JHY: variants seen among roughly 807,000 people sequenced by gnomAD.
JHY encodes jhy protein homolog.
In JHY, 69 loss-of-function variants were observed where a neutral mutation model predicts 78.0. The ratio of observed to expected loss-of-function variants is 0.88; its 90% confidence interval spans 0.73 to 1.08. JHY has a LOEUF of 1.08. Ranked by LOEUF, JHY falls within the 50% of genes least tolerant of loss-of-function variation. The pLI is 0.00. For synonymous variants in JHY, 368 were observed against 342.6 expected (o/e 1.07, Z -0.82); for missense variants, 944 against 927.8 (o/e 1.02, Z -0.23).
intron 3 of JHY, among the ~76,000 whole-genome samples, chr11:122,915,422 G>A (rs1208599207): frequency 6.6e-6 from 1 of 152,228 alleles, no homozygotes; most frequent in African/African-American, 2.4e-5. Flanking sequence ...AAAGGTGCCT[G>A]ACTGTCCAGG....
chr11:122,906,800 T>C (rs1246331819), intron 3 of JHY, among the ~76,000 whole-genome samples: 1 of 152,186 alleles, frequency 6.6e-6, no homozygotes, highest in Non-Finnish European at 1.5e-5. Flanking sequence ...TGAATTTTCT[T>C]TTCTTTGTGC....
At position 122,904,044 on chromosome 11, in the gene JHY, T is replaced by G; in HGVS notation, c.464T>G (p.Leu155Ter). 6.2e-7 allele frequency: 1 copy of G among 1,614,150 alleles called. No homozygotes were observed. The highest frequency in any genetic ancestry group is 8.5e-7 in the Non-Finnish European group (1 of 1,180,000). Reference protein sequence around the residue: ...EALPESTDSSLENLPLAPLYP... With the variant: ...EALPESTDSS ...TTGCCGGAGTCCACGGACAGCTCTT[T>G]AGAAAATCTGCCTTTGGCTCCCCTC... Residue 155 changes from leucine to a stop codon, truncating the protein, a stop_gained, in exon 3 of 9, where the codon TTA (leucine) becomes TGA (stop). Transcript: ENST00000227349. LOFTEE classifies it high-confidence loss of function.
chr11:122,912,604 T>C (rs1041619604), intron 3 of JHY, among the ~76,000 whole-genome samples: 3 of 151,972 alleles, frequency 2.0e-5, no homozygotes, highest in Non-Finnish European at 4.4e-5. Flanking sequence ...TAGCTGGCCA[T>C]GATGGGGCAC....
intron 5 of JHY, among the ~76,000 whole-genome samples, chr11:122,942,063 C>T (rs760435430): frequency 3.3e-5 from 5 of 151,778 alleles, no homozygotes; most frequent in African/African-American, 4.8e-5. Context: ...GTAGAGACAG[C>T]GTTTCGCCAT....
At chr11:122,912,117 T>C (rs144530347) in intron 3 of JHY, among the ~76,000 whole-genome samples, 4,103 of 151,464 alleles carry the variant, frequency 0.027, 165 homozygotes, top group South Asian at 0.16. Flanking sequence ...TGAAACCCCG[T>C]CTATACTAAA....
chr11:122,902,292 A>G (rs992802480), intron 2 of JHY, among the ~76,000 whole-genome samples: 2 of 151,540 alleles, frequency 1.3e-5, no homozygotes, highest in Non-Finnish European at 2.9e-5. Flanking sequence ...CCCTGTCTCT[A>G]CTAAAAATTA....
intron 5 of JHY, among the ~76,000 whole-genome samples, chr11:122,936,190 A>C (rs1208679207): frequency 1.3e-5 from 2 of 152,208 alleles, no homozygotes; most frequent in Non-Finnish European, 2.9e-5. Context: ...TCCTTTCTAC[A>C]TACCTAACAT....
At chr11:122,904,514 A>G (rs938362670) in intron 3 of JHY, 70 bp downstream of exon 3, 4 of 1,511,296 alleles carry the variant, frequency 2.6e-6, no homozygotes, top group Non-Finnish European at 8.9e-7. Context: ...TGCAGTGTCT[A>G]GATATCGCTT....
In JHY at chr11:122,935,124, C is replaced by G; in HGVS notation, c.1634+49C>G. ...GGTTTTCTAGAGGAGAAAGGAGAGA[C>G]TGCTGCAGAAAGACGGGAGAGGAAG... On this transcript the variant is annotated intron_variant, in intron 5 of 8. Coordinates refer to ENST00000227349, the MANE Select transcript of JHY (RefSeq NM_024806.4). The surrounding 1 kb of genome is among the most constrained non-coding windows in gnomAD (Gnocchi z 4.5). The G allele has an allele frequency of 6.8e-7, 1 of 1,463,696 alleles. No individual in the cohort carries two copies. Among genetic ancestry groups the G allele is most frequent in the South Asian group, 1.4e-5 (1 of 69,740 alleles). 90.7% of individuals were successfully genotyped at this position (1,463,696 alleles called of 1,614,324 possible).
At position 122,882,953 on chromosome 11, in the gene JHY, C is replaced by G. The variant is rs1056412621; in HGVS notation, c.-109C>G. ...ATGCGGGGCCCGTCCGGGTCGCGGC[C>G]GCGGAGGAGCGCCGGGCAGGTGACG... is the stretch of plus-strand genomic sequence containing the variant. On this transcript the variant is annotated 5_prime_UTR_variant, in exon 1 of 9. Transcript: ENST00000227349. The G allele has an allele frequency of 4.0e-5, 6 of 151,884 alleles. No individual in the cohort carries two copies. The highest frequency in any genetic ancestry group is 5.9e-5 in the Non-Finnish European group (4 of 67,804). The allele number at this position is 151,884 out of a possible 1,614,324, so 9.4% of individuals were successfully genotyped here.
chr11:122,914,086 A>C (rs1395919952), intron 3 of JHY, among the ~76,000 whole-genome samples: 1 of 152,208 alleles, frequency 6.6e-6, no homozygotes, highest in East Asian at 1.9e-4. Context: ...CATTAAAGTA[A>C]AATTACAAAT....
At chr11:122,916,976 C>T (rs1426470846) in intron 3 of JHY, among the ~76,000 whole-genome samples, 1 of 151,924 alleles carries the variant, frequency 6.6e-6, no homozygotes, top group Non-Finnish European at 1.5e-5. Context: ...TTTATAGTTC[C>T]CCCCACCCCC....
chr11:122,915,760 C>T (rs542513869), intron 3 of JHY, among the ~76,000 whole-genome samples: 11 of 152,236 alleles, frequency 7.2e-5, no homozygotes, highest in Admixed American at 5.9e-4. Context: ...GTGATCCACC[C>T]GCCTCAGCCT....
At chr11:122,943,443 A>G (rs1356561874) in intron 5 of JHY, among the ~76,000 whole-genome samples, 1 of 152,148 alleles carries the variant, frequency 6.6e-6, no homozygotes, top group Non-Finnish European at 1.5e-5. Context: ...CATTCTATAT[A>G]CTTACATTCT....
At chr11:122,902,796 C>A (rs1178860237) in intron 2 of JHY, among the ~76,000 whole-genome samples, 1 of 152,126 alleles carries the variant, frequency 6.6e-6, no homozygotes, top group African/African-American at 2.4e-5. Flanking sequence ...GCTTGCTAAG[C>A]CATTCATGAG....
chr11:122,901,844 G>A (rs1468966622), intron 2 of JHY, among the ~76,000 whole-genome samples: 1 of 151,324 alleles, frequency 6.6e-6, no homozygotes, highest in Non-Finnish European at 1.5e-5. Context: ...CTGCACTCCA[G>A]CCTGGGCGAA....
At chr11:122,929,245 T>G (rs1000662278) in intron 4 of JHY, among the ~76,000 whole-genome samples, 13 of 151,828 alleles carry the variant, frequency 8.6e-5, no homozygotes, top group Admixed American at 1.3e-4. Context: ...TTTTTGTTTT[T>G]TTTTTTTTTT....
At chr11:122,926,848 A>G (rs563352455) in intron 4 of JHY, among the ~76,000 whole-genome samples, 1 of 152,370 alleles carries the variant, frequency 6.6e-6, no homozygotes, top group South Asian at 2.1e-4. Context: ...ATTAGTCTAA[A>G]TGACCTTCAA....
intron 6 of JHY, among the ~76,000 whole-genome samples, chr11:122,952,198 G>A (rs1483935470): frequency 6.6e-6 from 1 of 152,070 alleles, no homozygotes; most frequent in African/African-American, 2.4e-5. Flanking sequence ...TTTTCAGGGT[G>A]ATGAAAATGT....
Sources: allele counts gnomAD v4.1 joint callset (sites outside exome capture counted in the v4.1 genomes callset), GRCh38; gene constraint gnomAD v4.1.1; non-coding constraint Gnocchi (gnomAD v3.1); transcripts MANE v1.5; gene names NCBI Gene and HGNC (gene_info 2026-07-23, HGNC 2026-07-21).